GARIN5B: variants seen among roughly 807,000 people sequenced by gnomAD.
GARIN5B encodes the protein Golgi-associated RAB2 interactor protein 5B.
chr19:55,363,140 C>G, the GARIN5B span: 2 of 1,382,252 alleles, frequency 1.4e-6, no homozygotes, highest in Non-Finnish European at 1.9e-6. The surrounding 1 kb of genome is among the most constrained non-coding windows in gnomAD (Gnocchi z 4.0). Flanking sequence ...CCCGGCCCAC[C>G]AGCCTTGACC....
chr19:55,362,695 C>G, the GARIN5B span: 17 of 1,541,770 alleles, frequency 1.1e-5, no homozygotes, highest in Middle Eastern at 1.7e-4. Context: ...CCGGTTGGTT[C>G]TGTGATTCAC....
At chr19:55,362,409 C>A in the GARIN5B span, 3 of 1,550,614 alleles carry the variant, frequency 1.9e-6, no homozygotes, top group South Asian at 3.6e-5. Context: ...GCGTCCAGGG[C>A]CAGGTAGTAC....
At chr19:55,359,070 C>A in the GARIN5B span, 1 of 1,551,392 alleles carries the variant, frequency 6.4e-7, no homozygotes, top group East Asian at 2.4e-5. Flanking sequence ...GTCATCTCCA[C>A]CACGTCTGTC....
At chr19:55,355,362 A>C in the GARIN5B span, 40 of 1,549,986 alleles carry the variant, frequency 2.6e-5, no homozygotes, top group Non-Finnish European at 3.1e-5. Flanking sequence ...GGAGAAAGCA[A>C]GCCAGAGAGA....
At chr19:55,361,033 T>A in the GARIN5B span, 1 of 1,550,798 alleles carries the variant, frequency 6.4e-7, no homozygotes, top group East Asian at 2.4e-5. Context: ...GACGTCAGCA[T>A]GCTCCAGCTG....
the GARIN5B span, chr19:55,359,555 G>A: frequency 5.2e-6 from 8 of 1,551,386 alleles, no homozygotes; most frequent in Non-Finnish European, 7.0e-6. Context: ...CTTCTGGGGA[G>A]GAGCCAATCC....
the GARIN5B span, chr19:55,361,325 G>C: frequency 6.5e-7 from 1 of 1,539,284 alleles, no homozygotes; most frequent in South Asian, 1.2e-5. Flanking sequence ...GCCCCACCAA[G>C]GAAGGGGGAA....
chr19:55,362,860 G>T, the GARIN5B span: 2 of 1,468,640 alleles, frequency 1.4e-6, no homozygotes, highest in Non-Finnish European at 1.8e-6. Context: ...CCCCCAGCAC[G>T]GGGGGCCTTG....
At chr19:55,359,748 G>T in the GARIN5B span, 2 of 1,551,452 alleles carry the variant, frequency 1.3e-6, no homozygotes, top group Non-Finnish European at 1.7e-6. Context: ...GAAGAGTAGG[G>T]TGTGGAGAGG....
chr19:55,359,999 A>T, the GARIN5B span: 1 of 1,527,280 alleles, frequency 6.5e-7, no homozygotes, highest in Non-Finnish European at 8.8e-7. Flanking sequence ...GACAGAGGGG[A>T]GAGGATACAT....
chr19:55,362,781 C>A, the GARIN5B span: 1 of 1,500,982 alleles, frequency 6.7e-7, no homozygotes. Flanking sequence ...CCTCCAGCAG[C>A]CACAGCCTGA....
chr19:55,362,142 G>A, the GARIN5B span: 3 of 1,404,834 alleles, frequency 2.1e-6, no homozygotes, highest in Admixed American at 5.9e-5. Context: ...AGGGGTCCAG[G>A]CCCCCGGCCT....
the GARIN5B span, among the ~76,000 whole-genome samples, chr19:55,357,193 A>G: frequency 2.6e-5 from 4 of 152,186 alleles, no homozygotes; most frequent in African/African-American, 9.6e-5. Context: ...ATTTCATGGA[A>G]ATGGGGTCTT....
the GARIN5B span, chr19:55,361,338 G>C: frequency 6.5e-7 from 1 of 1,541,524 alleles, no homozygotes; most frequent in East Asian, 2.4e-5. Flanking sequence ...AGGGGGAAGA[G>C]CCAAAGGGTG....
chr19:55,362,270 G>A, the GARIN5B span: 10 of 1,541,520 alleles, frequency 6.5e-6, no homozygotes, highest in African/African-American at 4.1e-5. Context: ...GGAGGCAGGC[G>A]CTTCGGCCAG....
chr19:55,363,082 T>C, the GARIN5B span: 6 of 1,489,810 alleles, frequency 4.0e-6, no homozygotes, highest in South Asian at 4.0e-5. This position sits in a 1 kb window ranked among gnomAD's most constrained non-coding sequence, Gnocchi z 4.0. Flanking sequence ...CTGTGGTGGA[T>C]GGGTACTGGT....
the GARIN5B span, chr19:55,361,122 G>T: frequency 6.4e-7 from 1 of 1,551,286 alleles, no homozygotes; most frequent in Non-Finnish European, 8.7e-7. Flanking sequence ...GGTGAGGAAG[G>T]GACGGTTAGA....
chr19:55,356,377 CT>C, the GARIN5B span, among the ~76,000 whole-genome samples: 322 of 145,450 alleles, frequency 2.2e-3, no homozygotes, highest in African/African-American at 4.0e-3. Context: ...GCCTAGTTAA[CT>C]TTTTTTTTTT....
At chr19:55,359,048 T>C in the GARIN5B span, 2 of 1,551,408 alleles carry the variant, frequency 1.3e-6, no homozygotes, top group Non-Finnish European at 1.7e-6. Flanking sequence ...CTCCGGGGAC[T>C]TGGCCTGAGT....
Sources: allele counts gnomAD v4.1 joint callset (sites outside exome capture counted in the v4.1 genomes callset), GRCh38; gene constraint gnomAD v4.1.1; non-coding constraint Gnocchi (gnomAD v3.1); transcripts MANE v1.5; gene names NCBI Gene and HGNC (gene_info 2026-07-23, HGNC 2026-07-21).